Variants in SEPTIN9 observed in about 807,000 individuals in gnomAD.
SEPTIN9 encodes the protein septin 9, also known as septin-9.
SEPTIN9 carries 13 observed loss-of-function variants against 56.6 expected under a neutral mutation model. The ratio of observed to expected loss-of-function variants is 0.23; its 90% CI spans 0.15 to 0.37. The LOEUF (loss-of-function observed/expected upper bound fraction) is 0.37, where lower values mean the gene tolerates loss of function less well. Ranked by LOEUF, SEPTIN9 falls within the 10% of genes least tolerant of loss-of-function variation. The pLI, the probability that SEPTIN9 is intolerant of heterozygous loss-of-function variation, is 1.00. For missense variants in SEPTIN9, 650 were observed against 823.1 expected, an observed-to-expected ratio of 0.79 and a Z score of 2.57; for synonymous variants, 332 against 334.1, an observed-to-expected ratio of 0.99 and a Z score of 0.07.
rs746334197 is a variant in SEPTIN9, at chr17:77,482,405, A to G, written c.913+70A>G. On this transcript the variant is annotated intron_variant, in intron 4 of 11. Coordinates refer to ENST00000427177, the MANE Select transcript of SEPTIN9 (RefSeq NM_001113491.2). ...GCCTCAGCCCCCAGGGCGGCCCACA[A>G]GCCTTTGGGCTTGGTCTTCCCTTCT... 1.5e-4 allele frequency: 220 copies of G among 1,491,386 alleles called. 1 individual carries two copies. The highest frequency in any genetic ancestry group is 2.0e-4 in the Non-Finnish European group (218 of 1,089,356). 92.4% of individuals were successfully genotyped at this position (1,491,386 alleles called of 1,614,324 possible).
At chr17:77,312,882 CTT>C (rs1253564433) in intron 2 of SEPTIN9, among the ~76,000 whole-genome samples, 2 of 152,192 alleles carry the variant, frequency 1.3e-5, no homozygotes, top group Non-Finnish European at 2.9e-5. Flanking sequence ...ATGCGAAACT[CTT>C]TGCCTTGGTA....
At chr17:77,334,554 T>A (rs952776211) in intron 2 of SEPTIN9, among the ~76,000 whole-genome samples, 2 of 152,130 alleles carry the variant, frequency 1.3e-5, no homozygotes, top group African/African-American at 4.8e-5. Context: ...CTTAATGATG[T>A]TATTTAATGA....
chr17:77,438,089 G>T (rs1479493114), intron 3 of SEPTIN9, among the ~76,000 whole-genome samples: 1 of 152,254 alleles, frequency 6.6e-6, no homozygotes, highest in Non-Finnish European at 1.5e-5. Context: ...CTGCAGGGGG[G>T]TGCTCCTGGC....
At position 77,436,719 on chromosome 17, in the gene SEPTIN9, C is replaced by T. The variant is rs763418842; in HGVS notation, c.721+34016C>T. On this transcript the variant is annotated intron_variant, in intron 3 of 11. Transcript: ENST00000427177. This position sits in a 1 kb window ranked among gnomAD's most constrained non-coding sequence, Gnocchi z 4.4. ...GGCTGCGGCGGAGGTGGGCAAAAGCCGCTTCCGGGCAGCCAGCCCCCATCC... is the reference window on the plus strand; with the variant it reads ...GGCTGCGGCGGAGGTGGGCAAAAGCTGCTTCCGGGCAGCCAGCCCCCATCC... Among the ~76,000 whole-genome samples, 81 of 152,364 alleles carry T rather than the reference C, an allele frequency of 5.3e-4. No homozygotes were observed. The highest frequency in any genetic ancestry group is 3.4e-3 in the Middle Eastern group (1 of 294).
At position 77,402,682 on chromosome 17, in the gene SEPTIN9, G is replaced by A; in HGVS notation, c.700G>A (p.Ala234Thr). ...CAAGCCCCAGCCCCCTGTGGCTGAG[G>A]CTACACCCCGGAGCCAGGAGGGTGA... ...EPKPQPPVAE[A>T]TPRSQEATEA... The change falls in exon 3 of 12, where the codon GCT becomes ACT. Residue 234 changes from alanine to threonine, a missense_variant. Physicochemically the swap from Ala to Thr is moderately conservative, Grantham distance 58. Transcript: ENST00000427177. The surrounding 1 kb of genome is among the most constrained non-coding windows in gnomAD (Gnocchi z 6.6). The A allele has an allele frequency of 1.3e-6, 2 of 1,598,490 alleles. No individual in the cohort carries two copies. Among genetic ancestry groups the A allele is most frequent in the Non-Finnish European group, 8.5e-7 (1 of 1,172,270 alleles).
At chr17:77,397,953 C>A (rs566926001) in intron 2 of SEPTIN9, among the ~76,000 whole-genome samples, 1 of 151,536 alleles carries the variant, frequency 6.6e-6, no homozygotes, top group African/African-American at 2.4e-5. Context: ...TGAGCCACCA[C>A]GCCTGGCATT....
rs140362155 is a variant in SEPTIN9 at position 77,292,933 on chromosome 17, C to T, written c.19+11379C>T. Among the ~76,000 whole-genome samples, 8 of 152,258 alleles carry T rather than the reference C, an allele frequency of 5.3e-5. No homozygotes were observed. The East Asian group carries it at 9.6e-4, about 18-fold the overall frequency. ...CATCTGCTCACCTTTCTCATGCATG[C>T]GGTTTGTTCATAGGGTATGTAATGG... On this transcript the variant is annotated intron_variant, in intron 1 of 11. Transcript: ENST00000427177.
intron 1 of SEPTIN9, among the ~76,000 whole-genome samples, chr17:77,295,307 G>T (rs1044361083): frequency 4.6e-5 from 7 of 152,118 alleles, no homozygotes; most frequent in Admixed American, 4.6e-4. Flanking sequence ...TTGGCAGCAG[G>T]GTGCCACCAC....
intron 2 of SEPTIN9, among the ~76,000 whole-genome samples, chr17:77,324,819 A>ATTTT (rs71160225): frequency 0.033 from 4,240 of 130,248 alleles, 313 homozygotes; most frequent in African/African-American, 0.11. Context: ...TTGATATGCA[A>ATTTT]TTTTTTTTTT....
At chr17:77,355,838 C>T (rs1216311877) in intron 2 of SEPTIN9, among the ~76,000 whole-genome samples, 34 of 149,936 alleles carry the variant, frequency 2.3e-4, no homozygotes, top group African/African-American at 2.7e-4. Context: ...AAAAATTAGC[C>T]GGGCGTGGTG....
chr17:77,496,024 T>C (rs1467099279), intron 10 of SEPTIN9, among the ~76,000 whole-genome samples: 2 of 150,822 alleles, frequency 1.3e-5, no homozygotes, highest in Admixed American at 6.6e-5. Context: ...CTTTTCTTTT[T>C]CTTTTTCTTT....
chr17:77,394,422 C>G (rs2035638956), intron 2 of SEPTIN9, among the ~76,000 whole-genome samples: 1 of 152,174 alleles, frequency 6.6e-6, no homozygotes. Context: ...TCCCTGAGCC[C>G]TGACCCTGGC....
At position 77,421,085 on chromosome 17, in the gene SEPTIN9, C is replaced by T. The variant is rs1331171652; in HGVS notation, c.721+18382C>T. ...GGGTAGGGGTGGAGCTCTGCCGTCG[C>T]TGACTCCCGGGCTACCTGGAGTGAT... is the stretch of plus-strand genomic sequence containing the variant. On this transcript the variant is annotated intron_variant, in intron 3 of 11. Transcript: ENST00000427177. The surrounding 1 kb of genome is among the most constrained non-coding windows in gnomAD (Gnocchi z 4.6). 6.6e-6 allele frequency among the ~76,000 whole-genome samples: 1 copy of T among 152,216 alleles called. No individual in the cohort carries two copies. The highest frequency in any genetic ancestry group is 1.5e-5 in the Non-Finnish European group (1 of 68,032).
intron 2 of SEPTIN9, among the ~76,000 whole-genome samples, chr17:77,349,469 GTT>G: frequency 6.6e-6 from 1 of 152,306 alleles, no homozygotes; most frequent in Non-Finnish European, 1.5e-5. Flanking sequence ...TGAGTTGTCA[GTT>G]TTTTCTTTCA....
At chr17:77,320,550 A>G (rs2032875862) in intron 2 of SEPTIN9, among the ~76,000 whole-genome samples, 1 of 151,984 alleles carries the variant, frequency 6.6e-6, no homozygotes, top group African/African-American at 2.4e-5. Flanking sequence ...TTTTATTTAA[A>G]CTCGGCTCTC....
rs540134366 is a variant in SEPTIN9, at chr17:77,450,352, G to A, written c.722-31792G>A. Among the ~76,000 whole-genome samples, 34 of 152,286 alleles carry A rather than the reference G, an allele frequency of 2.2e-4. 1 individual carries two copies. Among genetic ancestry groups the A allele is most frequent in the African/African-American group, 7.7e-4 (32 of 41,540 alleles). ...GTCAGCACTCAACATGAGGTCCCGT[G>A]GGGGCTGCCTGAGGGCGTAGCTTCC... On this transcript the variant is annotated intron_variant, in intron 3 of 11. Transcript: ENST00000427177. This position sits in a 1 kb window ranked among gnomAD's most constrained non-coding sequence, Gnocchi z 6.0.
chr17:77,296,729 T>C (rs955847443), intron 1 of SEPTIN9, among the ~76,000 whole-genome samples: 2 of 152,162 alleles, frequency 1.3e-5, no homozygotes, highest in African/African-American at 4.8e-5. Flanking sequence ...GGTGCATGTC[T>C]GTAATCCCAG....
In SEPTIN9 at chr17:77,421,450, C is replaced by T. The variant is rs1162346353; in HGVS notation, c.721+18747C>T. Among the ~76,000 whole-genome samples, 1 of 152,234 alleles carries T rather than the reference C, an allele frequency of 6.6e-6. No individual in the cohort carries two copies. The highest frequency in any genetic ancestry group is 1.9e-4 in the East Asian group (1 of 5,176). On this transcript the variant is annotated intron_variant, in intron 3 of 11. Transcript: ENST00000427177. This position sits in a 1 kb window ranked among gnomAD's most constrained non-coding sequence, Gnocchi z 4.6. Reference sequence around the variant, plus strand: ...AAGTCAACAGGAAGTCTTTTGGCTGCGGTGGAGGTGGGGGTCTGTGCTTCC... The same window carrying T: ...AAGTCAACAGGAAGTCTTTTGGCTGTGGTGGAGGTGGGGGTCTGTGCTTCC...
chr17:77,346,812 C>G (rs1350232700), intron 2 of SEPTIN9, among the ~76,000 whole-genome samples: 1 of 152,072 alleles, frequency 6.6e-6, no homozygotes, highest in Non-Finnish European at 1.5e-5. Context: ...AGCTTAATCT[C>G]TGGTGCAGTG....
Sources: gnomAD v4.1 joint callset for allele counts (sites outside exome capture counted in the v4.1 genomes callset) on GRCh38, gnomAD v4.1.1 for gene constraint, Gnocchi (gnomAD v3.1) non-coding constraint, MANE v1.5 for transcripts, NCBI Gene and HGNC (gene_info 2026-07-23, HGNC 2026-07-21) for gene names.